BCKDHB: variants seen among roughly 807,000 people sequenced by gnomAD.
BCKDHB encodes the protein branched chain keto acid dehydrogenase E1 subunit beta, also known as 2-oxoisovalerate dehydrogenase subunit beta, mitochondrial.
Under a neutral mutation model 48.5 loss-of-function variants are expected in BCKDHB, and 41 were observed. The ratio of observed to expected loss-of-function variants is 0.85; its 90% CI spans 0.66 to 1.10. The LOEUF is 1.10. Ranked by LOEUF, BCKDHB falls within the 50% of genes least tolerant of loss-of-function variation. The probability of loss-of-function intolerance (pLI) is 0.00; values close to 1 mark genes in which losing one functional copy is unlikely to be tolerated. For synonymous variants in BCKDHB, 201 were observed against 174.8 expected (o/e 1.15, Z -1.18); for missense variants, 496 against 494.2 (o/e 1.00, Z -0.03).
intron 8 of BCKDHB, among the ~76,000 whole-genome samples, chr6:80,255,196 T>C (rs1776999933): frequency 1.3e-5 from 2 of 152,184 alleles, no homozygotes; most frequent in South Asian, 4.1e-4. Context: ...TTATTGTACT[T>C]TTGCTAACAG....
chr6:80,206,480 A>G (rs1774665591), intron 8 of BCKDHB, among the ~76,000 whole-genome samples: 1 of 151,944 alleles, frequency 6.6e-6, no homozygotes, highest in Non-Finnish European at 1.5e-5. Flanking sequence ...TGTTATGCTT[A>G]GGAACATAGA....
the BCKDHB span, among the ~76,000 whole-genome samples, chr6:80,361,355 G>A: frequency 3.3e-5 from 5 of 152,230 alleles, no homozygotes; most frequent in African/African-American, 1.2e-4. Context: ...GACAGAGTGT[G>A]CAGGTGCACT....
rs545476076 is a variant in BCKDHB at position 80,147,262 on chromosome 6, C to G, written c.343+18033C>G. Among the ~76,000 whole-genome samples, 7 of 152,210 alleles carry G rather than the reference C, an allele frequency of 4.6e-5. No individual in the cohort carries two copies. The South Asian group carries it at 1.5e-3, about 32-fold the overall frequency. ...AAACCAGGCCTGAGACCTCATCTTT[C>G]TGTGATTAAACCTGACATTGTGATT... is the stretch of plus-strand genomic sequence containing the variant. On this transcript the variant is annotated intron_variant, in intron 3 of 9. Coordinates refer to ENST00000320393, the MANE Select transcript of BCKDHB (RefSeq NM_183050.4).
At chr6:80,413,136 T>C in the BCKDHB span, among the ~76,000 whole-genome samples, 1 of 152,214 alleles carries the variant, frequency 6.6e-6, no homozygotes, top group Non-Finnish European at 1.5e-5. Flanking sequence ...ACTCTTATAA[T>C]GATATATAAT....
chr6:80,388,481 C>T, the BCKDHB span, among the ~76,000 whole-genome samples: 1 of 152,194 alleles, frequency 6.6e-6, no homozygotes, highest in Non-Finnish European at 1.5e-5. Flanking sequence ...GTCATCAAGT[C>T]TCCATGTGAC....
chr6:80,271,913 A>G (rs1446625070), intron 8 of BCKDHB, among the ~76,000 whole-genome samples: 3 of 151,736 alleles, frequency 2.0e-5, no homozygotes, highest in East Asian at 1.9e-4. Context: ...TTGAAAATAC[A>G]TATGTTGTTT....
the BCKDHB span, among the ~76,000 whole-genome samples, chr6:80,354,668 C>G: frequency 7.2e-5 from 11 of 152,108 alleles, no homozygotes; most frequent in Middle Eastern, 3.2e-3. Context: ...GTTTTTAATT[C>G]ATCTTGAGTT....
intron 8 of BCKDHB, among the ~76,000 whole-genome samples, chr6:80,204,125 T>C (rs1310097084): frequency 1.3e-5 from 2 of 152,128 alleles, no homozygotes; most frequent in South Asian, 2.1e-4. Flanking sequence ...TTTACCACTT[T>C]TAAGAGCTTT....
chr6:80,210,995 A>C (rs1010438987), intron 8 of BCKDHB, among the ~76,000 whole-genome samples: 3 of 152,184 alleles, frequency 2.0e-5, no homozygotes, highest in African/African-American at 7.2e-5. Context: ...GATTTTTCTT[A>C]AATAAGGAGA....
chr6:80,386,543 G>A, the BCKDHB span, among the ~76,000 whole-genome samples: 1 of 152,154 alleles, frequency 6.6e-6, no homozygotes, highest in African/African-American at 2.4e-5. Flanking sequence ...CTAATGGTGG[G>A]AACTGTAGTC....
chr6:80,409,167 A>G, the BCKDHB span, among the ~76,000 whole-genome samples: 1 of 151,906 alleles, frequency 6.6e-6, no homozygotes, highest in African/African-American at 2.4e-5. Context: ...TTCAGTTTCC[A>G]TGTAGTTGTA....
At chr6:80,159,909 G>C (rs1006276115) in intron 3 of BCKDHB, among the ~76,000 whole-genome samples, 1 of 152,204 alleles carries the variant, frequency 6.6e-6, no homozygotes, top group Admixed American at 6.5e-5. Context: ...TCTAGGTCCT[G>C]AGGAAACACA....
chr6:80,246,780 A>C (rs866059045), intron 8 of BCKDHB, among the ~76,000 whole-genome samples: 1 of 152,052 alleles, frequency 6.6e-6, no homozygotes, highest in African/African-American at 2.4e-5. Context: ...TGAATGTTTT[A>C]CCATCTTACC....
At chr6:80,139,075 G>C (rs1190278179) in intron 3 of BCKDHB, among the ~76,000 whole-genome samples, 1 of 152,152 alleles carries the variant, frequency 6.6e-6, no homozygotes, top group African/African-American at 2.4e-5. Flanking sequence ...ATTTTTTCAT[G>C]TGGTTTTTGG....
intron 8 of BCKDHB, among the ~76,000 whole-genome samples, chr6:80,233,728 A>G (rs139991754): frequency 1.2e-4 from 19 of 152,298 alleles, no homozygotes; most frequent in Non-Finnish European, 2.4e-4. Context: ...AATTTGTTAG[A>G]CTGAGTACTC....
At chr6:80,254,245 T>C (rs1776956511) in intron 8 of BCKDHB, among the ~76,000 whole-genome samples, 1 of 151,974 alleles carries the variant, frequency 6.6e-6, no homozygotes, top group Non-Finnish European at 1.5e-5. Context: ...ATCCTGATTG[T>C]ATCTCTTAAG....
At chr6:80,460,564 T>C in the BCKDHB span, among the ~76,000 whole-genome samples, 1 of 152,124 alleles carries the variant, frequency 6.6e-6, no homozygotes, top group South Asian at 2.1e-4. Context: ...GCCCTTTTTG[T>C]TCAGGAAAAG....
the BCKDHB span, among the ~76,000 whole-genome samples, chr6:80,362,439 A>G: frequency 6.6e-6 from 1 of 152,144 alleles, no homozygotes; most frequent in Non-Finnish European, 1.5e-5. Context: ...AGAAGTTGAT[A>G]GCACTGATTT....
chr6:80,130,688 GAA>G (rs1770583595), intron 3 of BCKDHB, among the ~76,000 whole-genome samples: 2 of 152,048 alleles, frequency 1.3e-5, no homozygotes, highest in Non-Finnish European at 1.5e-5. Context: ...AGAAAATTTG[GAA>G]AATATAGAAA....
Sources: allele counts gnomAD v4.1 joint callset (sites outside exome capture counted in the v4.1 genomes callset), GRCh38; gene constraint gnomAD v4.1.1; transcripts MANE v1.5; gene names NCBI Gene and HGNC (gene_info 2026-07-23, HGNC 2026-07-21).